The following BCL2 variants were observed in gnomAD, a reference collection of about 807,000 sequenced individuals.
The protein encoded by BCL2 is apoptosis regulator Bcl-2.
BCL2 carries 1 observed loss-of-function variant against 14.2 expected under a neutral mutation model. The observed-to-expected ratio is 0.07, with a 90% confidence interval of 0.02 to 0.33. BCL2 has a LOEUF of 0.33. BCL2 is among the 10% of genes least tolerant of loss of function. The pLI is 0.99. For synonymous variants in BCL2, 151 were observed against 137.2 expected (o/e 1.10, Z -0.70); for missense variants, 247 against 305.9 (o/e 0.81, Z 1.44).
At position 63,318,360 on chromosome 18, in the gene BCL2, C is replaced by A. The variant is rs1259350145; in HGVS notation, c.307G>T (p.Asp103Tyr). 1 of 1,607,270 alleles carries A rather than the reference C, an allele frequency of 6.2e-7. No individual in the cohort carries two copies. The highest frequency in any genetic ancestry group is 1.3e-5 in the African/African-American group (1 of 74,848). ...VHLTLRQAGD[D>Y]FSRRYRRDFA... ...TCGCGGCGGTAGCGGCGGGAGAAGT[C>A]GTCGCCGGCCTGGCGGAGGGTCAGG... Residue 103 changes from aspartate to tyrosine, a missense_variant, in exon 2 of 3, where the codon GAC (aspartate) becomes TAC (tyrosine). Transcript: ENST00000333681. The surrounding 1 kb of genome is among the most constrained non-coding windows in gnomAD (Gnocchi z 7.4).
chr18:63,249,724 A>G (rs1191312450), intron 2 of BCL2, among the ~76,000 whole-genome samples: 4 of 151,584 alleles, frequency 2.6e-5, no homozygotes, highest in Admixed American at 6.6e-5. Context: ...AAAAAAAAAA[A>G]AAAAAAAAGG....
intron 2 of BCL2, among the ~76,000 whole-genome samples, chr18:63,293,476 C>A (rs1912711477): frequency 6.6e-6 from 1 of 152,138 alleles, no homozygotes; most frequent in East Asian, 1.9e-4. Context: ...GAGATATCTT[C>A]CACTGAGATT....
At chr18:63,264,973 T>C (rs1911781105) in intron 2 of BCL2, among the ~76,000 whole-genome samples, 1 of 152,256 alleles carries the variant, frequency 6.6e-6, no homozygotes, top group African/African-American at 2.4e-5. Flanking sequence ...CGGTGACCCA[T>C]GGAAAGAAAC....
At chr18:63,247,864 A>G (rs748405541) in intron 2 of BCL2, among the ~76,000 whole-genome samples, 4 of 152,240 alleles carry the variant, frequency 2.6e-5, no homozygotes, top group Non-Finnish European at 4.4e-5. Flanking sequence ...GGTTATGTTT[A>G]TAGACATAGT....
At chr18:63,190,074 C>G (rs545098081) in intron 2 of BCL2, among the ~76,000 whole-genome samples, 2 of 152,258 alleles carry the variant, frequency 1.3e-5, no homozygotes, top group African/African-American at 4.8e-5. Flanking sequence ...CAGCCCTGAT[C>G]TTGGCATCAT....
intron 2 of BCL2, among the ~76,000 whole-genome samples, chr18:63,241,577 C>T (rs1295584000): frequency 2.0e-5 from 3 of 152,108 alleles, no homozygotes; most frequent in East Asian, 3.8e-4. Flanking sequence ...GAAATGCTCC[C>T]CCATCCTGCT....
intron 2 of BCL2, among the ~76,000 whole-genome samples, chr18:63,199,033 A>T (rs1031032409): frequency 9.2e-5 from 14 of 151,690 alleles, no homozygotes; most frequent in South Asian, 2.1e-4. Context: ...ACTGACATAC[A>T]GACACAGACA....
chr18:63,143,798 C>T (rs1914433179), intron 2 of BCL2, among the ~76,000 whole-genome samples: 1 of 152,226 alleles, frequency 6.6e-6, no homozygotes, highest in Non-Finnish European at 1.5e-5. Context: ...TTGCAGAAAC[C>T]TTGGAGCGAG....
At chr18:63,225,955 C>T (rs538905065) in intron 2 of BCL2, among the ~76,000 whole-genome samples, 1 of 152,294 alleles carries the variant, frequency 6.6e-6, no homozygotes, top group African/African-American at 2.4e-5. Context: ...TGCATTGTGG[C>T]ACCCAAGTTC....
intron 2 of BCL2, among the ~76,000 whole-genome samples, chr18:63,231,343 A>T (rs2144177044): frequency 6.6e-6 from 1 of 152,102 alleles, no homozygotes; most frequent in East Asian, 1.9e-4. Context: ...TTATTGTATG[A>T]GATACCTTGC....
intron 2 of BCL2, among the ~76,000 whole-genome samples, chr18:63,269,660 T>C (rs1911946711): frequency 6.6e-6 from 1 of 152,114 alleles, no homozygotes; most frequent in Non-Finnish European, 1.5e-5. Flanking sequence ...TACATCAGAG[T>C]TTAATTGACT....
chr18:63,230,382 T>A (rs1910659008), intron 2 of BCL2, among the ~76,000 whole-genome samples: 1 of 151,974 alleles, frequency 6.6e-6, no homozygotes, highest in Non-Finnish European at 1.5e-5. Context: ...ACAAGAAAAA[T>A]TTTAAGAAAG....
intron 2 of BCL2, among the ~76,000 whole-genome samples, chr18:63,273,971 G>C (rs1912076429): frequency 6.6e-6 from 1 of 152,164 alleles, no homozygotes; most frequent in South Asian, 2.1e-4. Context: ...TCCTCAAAAA[G>C]GAGGGGAAAA....
In BCL2 at chr18:63,124,984, G is replaced by T. The variant is rs1913873182; in HGVS notation, c.*3641C>A. 4.5e-6 allele frequency: 1 copy of T among 221,840 alleles called. No homozygotes were observed. The highest frequency in any genetic ancestry group is 9.0e-6 in the Non-Finnish European group (1 of 110,638). The allele number at this position is 221,840 out of a possible 1,614,324, so 13.7% of individuals were successfully genotyped here. A position where few individuals can be genotyped will look rare whatever the true frequency, so the allele number is the denominator to read the frequency against. ...CACATTTATAAACTATTTGTTTTAGGATAAGTTCAATTACAAATAGAGACT... is the reference window on the plus strand; with the variant it reads ...CACATTTATAAACTATTTGTTTTAGTATAAGTTCAATTACAAATAGAGACT... On this transcript the variant is annotated 3_prime_UTR_variant, in exon 3 of 3. Coordinates refer to ENST00000333681, the MANE Select transcript of BCL2 (RefSeq NM_000633.3).
rs1192715411 is a variant in BCL2, at chr18:63,273,580, G to A, written c.585+44502C>T. 4.6e-5 allele frequency among the ~76,000 whole-genome samples: 7 copies of A among 152,190 alleles called. No individual in the cohort carries two copies. In the South Asian group the frequency reaches 6.2e-4, roughly 14 times the overall value. ...CTGTCCTTCGATTGCTAGGTCGGCC[G>A]ATTAGCTGTACAACCCTTGGCAGTC... On this transcript the variant is annotated intron_variant, in intron 2 of 2. Coordinates refer to ENST00000333681, the MANE Select transcript of BCL2 (RefSeq NM_000633.3).
At chr18:63,203,354 CAT>C (rs1398597185) in intron 2 of BCL2, among the ~76,000 whole-genome samples, 1 of 152,154 alleles carries the variant, frequency 6.6e-6, no homozygotes, top group Non-Finnish European at 1.5e-5. Context: ...ATGCCAATGA[CAT>C]GTGTAAAACA....
chr18:63,244,017 G>T (rs578244906), intron 2 of BCL2, among the ~76,000 whole-genome samples: 1 of 152,312 alleles, frequency 6.6e-6, no homozygotes, highest in African/African-American at 2.4e-5. Flanking sequence ...ACCACAGCAG[G>T]TGGATCACTT....
At chr18:63,291,277 A>AT (rs1397940952) in intron 2 of BCL2, among the ~76,000 whole-genome samples, 1 of 152,166 alleles carries the variant, frequency 6.6e-6, no homozygotes, top group Non-Finnish European at 1.5e-5. Flanking sequence ...ATTTCTCTGT[A>AT]TTTGTCGAAA....
At chr18:63,180,122 C>G (rs1915449469) in intron 2 of BCL2, among the ~76,000 whole-genome samples, 1 of 152,244 alleles carries the variant, frequency 6.6e-6, no homozygotes, top group South Asian at 2.1e-4. Context: ...TCCTTCTTCC[C>G]TTTCATTTTC....
Sources: gnomAD v4.1 joint callset for allele counts (sites outside exome capture counted in the v4.1 genomes callset) on GRCh38, gnomAD v4.1.1 for gene constraint, Gnocchi (gnomAD v3.1) non-coding constraint, MANE v1.5 for transcripts, NCBI Gene and HGNC (gene_info 2026-07-23, HGNC 2026-07-21) for gene names.